Variants in ERMP1 observed in about 807,000 individuals in gnomAD.
ERMP1 encodes the protein endoplasmic reticulum metallopeptidase 1, also known as Felix-ina.
ERMP1 carries 86 observed loss-of-function variants against 92.0 expected under a neutral mutation model. The ratio of observed to expected loss-of-function variants is 0.93; its 90% CI spans 0.79 to 1.12. The LOEUF (loss-of-function observed/expected upper bound fraction) is 1.12, where lower values mean the gene tolerates loss of function less well. ERMP1 is among the 50% of genes most tolerant of loss of function. The pLI is 0.00. For missense variants in ERMP1, 1,342 were observed against 1,116.3 expected (o/e 1.20, Z -2.88); for synonymous variants, 530 against 412.8 (o/e 1.28, Z -3.44).
rs1412203142 is a variant in ERMP1, at chr9:5,812,247, C to G, written c.1022-30G>C. Reference sequence around the variant, plus strand: ...AACATATATATAGAAAAAAAAAAGTCATTTTGCTTTAAAGATCAACCTTGC... The same window carrying G: ...AACATATATATAGAAAAAAAAAAGTGATTTTGCTTTAAAGATCAACCTTGC... On this transcript the variant is annotated intron_variant, in intron 5 of 14. Transcript: ENST00000339450. The G allele has an allele frequency of 2.2e-6, 3 of 1,346,516 alleles. No individual in the cohort carries two copies. In the South Asian group the frequency reaches 4.0e-5, roughly 18 times the overall value. 83.4% of individuals were successfully genotyped at this position (1,346,516 alleles called of 1,614,324 possible). A position where few individuals can be genotyped will look rare whatever the true frequency, so the allele number is the denominator to read the frequency against.
At chr9:5,862,376 A>C (rs558657259) in intron 5 of ERMP1, among the ~76,000 whole-genome samples, 1 of 151,396 alleles carries the variant, frequency 6.6e-6, no homozygotes, top group African/African-American at 2.4e-5. Flanking sequence ...TCTGTCATCC[A>C]CACTGGAGTG....
intron 10 of ERMP1, among the ~76,000 whole-genome samples, chr9:5,802,853 C>T (rs1226239820): frequency 6.6e-6 from 1 of 152,070 alleles, no homozygotes; most frequent in Non-Finnish European, 1.5e-5. Flanking sequence ...TTTCAGAGTC[C>T]CTTTTCATGC....
At chr9:5,820,549 C>G (rs1488377479) in intron 4 of ERMP1, among the ~76,000 whole-genome samples, 1 of 152,164 alleles carries the variant, frequency 6.6e-6, no homozygotes, top group Non-Finnish European at 1.5e-5. Flanking sequence ...AATGAGGTCA[C>G]TGGTCTGATA....
chr9:5,846,098 G>T (rs1482301067), intron 6 of ERMP1, among the ~76,000 whole-genome samples: 2 of 152,204 alleles, frequency 1.3e-5, no homozygotes, highest in African/African-American at 4.8e-5. Flanking sequence ...CCCTGCTCAT[G>T]TTCATGCTGT....
chr9:5,796,867 G>T (rs1828445020), intron 13 of ERMP1, among the ~76,000 whole-genome samples: 1 of 152,094 alleles, frequency 6.6e-6, no homozygotes, highest in Non-Finnish European at 1.5e-5. Context: ...ACCCGAGTGG[G>T]AACAACAGGC....
Position 5,810,350 on chromosome 9 carries a change from G to C in ERMP1, c.1328-119C>G, listed in dbSNP as rs549048306. On this transcript the variant is annotated intron_variant, in intron 7 of 14. Coordinates refer to ENST00000339450, the MANE Select transcript of ERMP1 (RefSeq NM_024896.3). Reference sequence around the variant, plus strand: ...AAAAACTCCCCACTGTACTTGAAAAGTATGAAAATGTCCTAGTGTTGAGAT... The same window carrying C: ...AAAAACTCCCCACTGTACTTGAAAACTATGAAAATGTCCTAGTGTTGAGAT... The C allele has an allele frequency of 5.6e-5, 37 of 659,588 alleles. No individual in the cohort carries two copies. The East Asian group carries it at 8.9e-4, about 16-fold the overall frequency. 40.9% of individuals were successfully genotyped at this position (659,588 alleles called of 1,614,324 possible).
intron 10 of ERMP1, among the ~76,000 whole-genome samples, chr9:5,803,329 G>C (rs988135718): frequency 6.6e-6 from 1 of 152,200 alleles, no homozygotes; most frequent in African/African-American, 2.4e-5. Context: ...GCTTTCTAAA[G>C]TATTCCAAGA....
Position 5,832,727 on chromosome 9 carries a change from C to A in ERMP1, c.301G>T (p.Ala101Ser), listed in dbSNP as rs778430803. ...GCGTCGAACTCCCCGCGGTGTCCAG[C>A]GGCCCCGCGTAGCACGAGCTGCTGC... ...SLQQLVLRGA[A>S]GHRGEFDALQ... Residue 101 changes from alanine (A) to serine (S), a missense_variant, in exon 1 of 15, where the codon GCT (alanine) becomes TCT (serine). By Grantham distance (99) the Ala-to-Ser change is moderately conservative. Coordinates refer to ENST00000339450, the MANE Select transcript of ERMP1 (RefSeq NM_024896.3). 1.3e-6 allele frequency: 2 copies of A among 1,493,572 alleles called. No individual in the cohort carries two copies. The highest frequency in any genetic ancestry group is 5.7e-5 in the East Asian group (2 of 34,870). The allele number at this position is 1,493,572 out of a possible 1,614,324, so 92.5% of individuals were successfully genotyped here. A position where few individuals can be genotyped will look rare whatever the true frequency, so the allele number is the denominator to read the frequency against.
At chr9:5,808,308 A>G (rs1259296084) in intron 8 of ERMP1, among the ~76,000 whole-genome samples, 1 of 152,264 alleles carries the variant, frequency 6.6e-6, no homozygotes, top group Non-Finnish European at 1.5e-5. Context: ...GCCCCAATCA[A>G]CAATAGTTAG....
At chr9:5,825,297 CT>C (rs1829691132) in intron 2 of ERMP1, 78 bp from the exon 3 acceptor site, 1 of 1,405,472 alleles carries the variant, frequency 7.1e-7, no homozygotes, top group Admixed American at 2.3e-5. Context: ...AGGAATGGAG[CT>C]TTCTCCTCAG....
rs1829078373 is a variant in ERMP1 at position 5,811,206 on chromosome 9, G to A, written c.1232C>T (p.Ala411Val). The A allele has an allele frequency of 6.2e-7, 1 of 1,613,746 alleles. No homozygotes were observed. The highest frequency in any genetic ancestry group is 1.7e-5 in the Admixed American group (1 of 59,984). The change falls in exon 7 of 15, where the codon GCC becomes GTC. Residue 411 changes from alanine (A) to valine (V), a missense_variant. Transcript: ENST00000339450. ...GATTGAGCCAATACGAGAGGGGTAG[G>A]CAATGACAAACAGGCCCAGCACATC... Reference protein sequence around the residue: ...FFDVLGLFVIAYPSRIGSIIN... With the variant: ...FFDVLGLFVIVYPSRIGSIIN...
chr9:5,786,418 G>C lies in ERMP1; in HGVS notation c.*726C>G, dbSNP rs1187380151. On this transcript the variant is annotated 3_prime_UTR_variant, in exon 15 of 15. Transcript: ENST00000339450. ...GGCCAAATATTCCCCTTTTCAACTT[G>C]GTAAGATGGAGAGGGGTAACAGACA... The C allele has an allele frequency of 6.6e-6, 1 of 152,122 alleles. No homozygotes were observed. The highest frequency in any genetic ancestry group is 2.4e-5 in the African/African-American group (1 of 41,392). The allele number at this position is 152,122 out of a possible 1,614,324, so 9.4% of individuals were successfully genotyped here. A position where few individuals can be genotyped will look rare whatever the true frequency, so the allele number is the denominator to read the frequency against.
At chr9:5,830,670 G>C in intron 2 of ERMP1, 57 bp downstream of exon 2, 1 of 1,437,096 alleles carries the variant, frequency 7.0e-7, no homozygotes, top group Non-Finnish European at 9.5e-7. Context: ...TTGGGGTTAT[G>C]TTAATAAACT....
intron 6 of ERMP1, among the ~76,000 whole-genome samples, chr9:5,846,687 A>C (rs1468065185): frequency 6.6e-6 from 1 of 152,156 alleles, no homozygotes; most frequent in Non-Finnish European, 1.5e-5. Context: ...ATCATGCTTC[A>C]AAGCCTTTGC....
intron 4 of ERMP1, among the ~76,000 whole-genome samples, chr9:5,818,238 G>C (rs1829396212): frequency 6.6e-6 from 1 of 152,016 alleles, no homozygotes; most frequent in African/African-American, 2.4e-5. Context: ...AGGGTCAGAG[G>C]AATAAGACTA....
chr9:5,816,721 C>T (rs1398106871), intron 4 of ERMP1, among the ~76,000 whole-genome samples: 3 of 152,096 alleles, frequency 2.0e-5, no homozygotes, highest in Admixed American at 6.5e-5. Flanking sequence ...ACAGCACCAA[C>T]GGAATGGATC....
At chr9:5,855,650 T>C (rs910092168) in intron 6 of ERMP1, 1 of 152,620 alleles carries the variant, frequency 6.6e-6, no homozygotes, top group African/African-American at 2.4e-5. Context: ...TCATGAGCTC[T>C]TTCTGCTCAT....
chr9:5,819,223 T>G (rs898542407), intron 4 of ERMP1, among the ~76,000 whole-genome samples: 1 of 152,128 alleles, frequency 6.6e-6, no homozygotes, highest in Non-Finnish European at 1.5e-5. Context: ...TACAATGGGT[T>G]AGTCAGCCAT....
chr9:5,830,318 A>C (rs566324294), intron 2 of ERMP1, among the ~76,000 whole-genome samples: 5 of 152,316 alleles, frequency 3.3e-5, no homozygotes, highest in African/African-American at 1.2e-4. Context: ...ACCATGCAGT[A>C]ACCCTTGAAG....
Sources: gnomAD v4.1 joint callset for allele counts (sites outside exome capture counted in the v4.1 genomes callset) on GRCh38, gnomAD v4.1.1 for gene constraint, MANE v1.5 for transcripts, NCBI Gene and HGNC (gene_info 2026-07-23, HGNC 2026-07-21) for gene names.